The following UHRF2 variants were observed in gnomAD, a reference collection of about 807,000 sequenced individuals.
The protein encoded by UHRF2 is ubiquitin like with PHD and ring finger domains 2, also known as E3 ubiquitin-protein ligase UHRF2.
A neutral mutation model predicts 96.8 loss-of-function variants in UHRF2; 23 were observed. The observed-to-expected ratio is 0.24, with a 90% confidence interval of 0.17 to 0.34. UHRF2 has a LOEUF of 0.34. Among genes scored for constraint, UHRF2 ranks in the 10% least tolerant of loss-of-function variants. The probability of loss-of-function intolerance (pLI) is 1.00; values close to 1 mark genes in which losing one functional copy is unlikely to be tolerated. For synonymous variants in UHRF2, 385 were observed against 332.6 expected (o/e 1.16, Z -1.72); for missense variants, 685 against 981.5 (o/e 0.70, Z 4.04).
intron 8 of UHRF2, among the ~76,000 whole-genome samples, chr9:6,483,863 A>G (rs1238475387): frequency 6.6e-6 from 1 of 151,914 alleles, no homozygotes; most frequent in East Asian, 1.9e-4. Flanking sequence ...CTAATTTTGT[A>G]TTTTTAGTAG....
At chr9:6,421,426 T>G (rs1270816715) in intron 2 of UHRF2, among the ~76,000 whole-genome samples, 1 of 152,166 alleles carries the variant, frequency 6.6e-6, no homozygotes, top group Non-Finnish European at 1.5e-5. Context: ...GTTTGTTTGT[T>G]TTTGATAACG....
intron 4 of UHRF2, among the ~76,000 whole-genome samples, chr9:6,470,482 C>T (rs1477876700): frequency 6.6e-6 from 1 of 151,894 alleles, no homozygotes; most frequent in Non-Finnish European, 1.5e-5. Context: ...AACAGACAGG[C>T]ACTAAGAGAA....
intron 9 of UHRF2, among the ~76,000 whole-genome samples, chr9:6,489,005 TCACCATGTTGGC>T (rs1449901582): frequency 6.6e-6 from 1 of 151,970 alleles, no homozygotes; most frequent in Non-Finnish European, 1.5e-5. Flanking sequence ...AGGTGGGGTT[TCACCATGTTGGC>T]CAGGCTGGTC....
chr9:6,493,735 C>T (rs1262464457), intron 9 of UHRF2, 91 bp from the exon 10 acceptor site: 5 of 1,113,446 alleles, frequency 4.5e-6, no homozygotes, highest in East Asian at 2.5e-5. Context: ...CAACTCATAA[C>T]ATCCTAATGA....
chr9:6,413,739 G>A, intron 1 of UHRF2, 96 bp downstream of exon 1: 1 of 1,314,520 alleles, frequency 7.6e-7, no homozygotes, highest in Non-Finnish European at 9.7e-7. Context: ...CGCCGCGCGC[G>A]CAGGGCTCAC....
chr9:6,460,754 A>G lies in UHRF2; in HGVS notation c.826A>G (p.Arg276Gly). The change falls in exon 4 of 16, where the codon AGG becomes GGG. Residue 276 changes from arginine (R) to glycine (G), a missense_variant. Coordinates refer to ENST00000276893, the MANE Select transcript of UHRF2 (RefSeq NM_152896.3). Reference protein sequence around the residue: ...AEITTLKTISRTKKELRVKIF... With the variant: ...AEITTLKTISGTKKELRVKIF... ...AATTACCACATTGAAGACAATCTCAAGGACCAAAAAAGAACTTCGTGTGAA... is the reference window on the plus strand; with the variant it reads ...AATTACCACATTGAAGACAATCTCAGGGACCAAAAAAGAACTTCGTGTGAA... 6.2e-7 allele frequency: 1 copy of G among 1,613,438 alleles called. No individual in the cohort carries two copies. The highest frequency in any genetic ancestry group is 1.1e-5 in the South Asian group (1 of 90,862).
rs143087618 is a variant in UHRF2, at chr9:6,487,334, G to A, written c.1497+409G>A. On this transcript the variant is annotated intron_variant, in intron 9 of 15. Transcript: ENST00000276893. Reference sequence around the variant, plus strand: ...CTCCCAAGTATGTGAGATTTCAGGCGCCTGCCATCACACCTGGCTAATTTT... The same window carrying A: ...CTCCCAAGTATGTGAGATTTCAGGCACCTGCCATCACACCTGGCTAATTTT... Among the ~76,000 whole-genome samples, 24 of 151,464 alleles carry A rather than the reference G, an allele frequency of 1.6e-4. No individual in the cohort carries two copies. The East Asian group carries it at 2.9e-3, about 18-fold the overall frequency.
At chr9:6,460,407 G>C (rs118114952) in intron 3 of UHRF2, among the ~76,000 whole-genome samples, 166 bp from the exon 4 acceptor site, 291 of 152,282 alleles carry the variant, frequency 1.9e-3, no homozygotes, top group Non-Finnish European at 2.9e-3. Context: ...CGCAGTACAG[G>C]TGAGAAACCA....
intron 8 of UHRF2, among the ~76,000 whole-genome samples, chr9:6,485,100 CT>C (rs1197794002): frequency 8.5e-5 from 13 of 152,072 alleles, no homozygotes; most frequent in Admixed American, 8.5e-4. Context: ...GCCATATTAA[CT>C]TCTTTCTGTG....
chr9:6,469,259 C>T (rs1334842207), intron 4 of UHRF2, among the ~76,000 whole-genome samples: 2 of 152,162 alleles, frequency 1.3e-5, no homozygotes, highest in Non-Finnish European at 2.9e-5. Context: ...ATGGCACACG[C>T]CTATAATCCC....
intron 3 of UHRF2, among the ~76,000 whole-genome samples, chr9:6,459,837 G>A (rs962659008): frequency 5.3e-5 from 8 of 152,168 alleles, no homozygotes; most frequent in Non-Finnish European, 7.4e-5. Flanking sequence ...GCTGGGTGTG[G>A]TGGCACGTGT....
At position 6,434,189 on chromosome 9, in the gene UHRF2, A is replaced by T. The variant is rs765726737; in HGVS notation, c.644+16A>T. On this transcript the variant is annotated intron_variant, in intron 3 of 15. Coordinates refer to ENST00000276893, the MANE Select transcript of UHRF2 (RefSeq NM_152896.3). ...AGTATGATGAGTAAGTGCTCAAGCT[A>T]TTGAGGACTTTATTCATATTTTCAT... 2 of 1,593,332 alleles carry T rather than the reference A, an allele frequency of 1.3e-6. No homozygotes were observed. The highest frequency in any genetic ancestry group is 2.7e-5 in the African/African-American group (2 of 74,300).
At chr9:6,483,643 T>C (rs1824065887) in intron 8 of UHRF2, among the ~76,000 whole-genome samples, 1 of 152,196 alleles carries the variant, frequency 6.6e-6, no homozygotes, top group Non-Finnish European at 1.5e-5. Context: ...ATATATTAAA[T>C]ACTAGTAAAT....
In UHRF2 at chr9:6,500,603, C is replaced by T; in HGVS notation, c.2057C>T (p.Ala686Val). The T allele has an allele frequency of 6.2e-7, 1 of 1,613,586 alleles. No individual in the cohort carries two copies. The highest frequency in any genetic ancestry group is 1.8e-4 in the Middle Eastern group (1 of 5,698). The change falls in exon 14 of 16, where the codon GCA (alanine) becomes GTA (valine). Residue 686 changes from alanine (A) to valine (V), a missense_variant. Around this residue, in one of 6 missense-constraint regions of UHRF2, gnomAD observed 99 missense variants for 73.5 expected, o/e 1.35. Transcript: ENST00000276893. The part of the protein sequence containing the change: ...KVYKASDSAE[A>V]IEAFQLTPQQ... ...TACAAAGCATCAGATTCAGCAGAAG[C>T]AATTGAGGCTTTTCAACTAACTCCT...
chr9:6,437,474 C>G (rs1379847301), intron 3 of UHRF2, among the ~76,000 whole-genome samples: 2 of 151,934 alleles, frequency 1.3e-5, no homozygotes, highest in African/African-American at 4.8e-5. Flanking sequence ...CTCAGGTGAT[C>G]CACCTACCTC....
At chr9:6,442,437 A>G (rs1043402401) in intron 3 of UHRF2, among the ~76,000 whole-genome samples, 6 of 149,402 alleles carry the variant, frequency 4.0e-5, no homozygotes, top group Non-Finnish European at 7.4e-5. Context: ...AAAGTTCTCT[A>G]AACATTGGCA....
intron 2 of UHRF2, among the ~76,000 whole-genome samples, chr9:6,430,290 G>A (rs147226390): frequency 1.7e-3 from 257 of 152,314 alleles, no homozygotes; most frequent in Middle Eastern, 3.4e-3. Flanking sequence ...GATTACAGGC[G>A]TGAGCCCCTG....
At chr9:6,488,806 T>G (rs1824475682) in intron 9 of UHRF2, among the ~76,000 whole-genome samples, 1 of 150,396 alleles carries the variant, frequency 6.6e-6, no homozygotes, top group Admixed American at 6.6e-5. Context: ...TGAGTGTTTT[T>G]TTTTTGTTTT....
intron 4 of UHRF2, among the ~76,000 whole-genome samples, chr9:6,463,014 G>A (rs909396258): frequency 1.3e-5 from 2 of 152,168 alleles, no homozygotes; most frequent in African/African-American, 4.8e-5. Flanking sequence ...AGGTGCCGTG[G>A]CTCACGCCTG....
Sources: gnomAD v4.1 joint callset for allele counts (sites outside exome capture counted in the v4.1 genomes callset) on GRCh38, gnomAD v4.1.1 for gene constraint, gnomAD v4.1.1 regional missense constraint, MANE v1.5 for transcripts, NCBI Gene and HGNC (gene_info 2026-07-23, HGNC 2026-07-21) for gene names.